Variants in TP53BP2 observed in about 807,000 individuals in gnomAD.
The protein encoded by TP53BP2 is apoptosis-stimulating of p53 protein 2.
TP53BP2 carries 62 observed loss-of-function variants against 126.2 expected under a neutral mutation model. That is an observed-to-expected ratio of 0.49 (90% CI 0.40 to 0.61). The LOEUF is 0.61. Among genes scored for constraint, TP53BP2 ranks in the 20% least tolerant of loss-of-function variants. TP53BP2 has a pLI of 0.00. For missense variants in TP53BP2, 1,215 were observed against 1,402.8 expected, an observed-to-expected ratio of 0.87 and a Z score of 2.14; for synonymous variants, 485 against 502.9, an observed-to-expected ratio of 0.96 and a Z score of 0.48.
chr1:223,845,192 T>C (rs1664223677), intron 1 of TP53BP2: 2 of 970,484 alleles, frequency 2.1e-6, no homozygotes, highest in East Asian at 1.1e-4. Context: ...GCTGCTACTG[T>C]GGATATCAAG....
chr1:223,791,124 AAGCATATGAAAAAG>A (rs1345919715), intron 15 of TP53BP2, among the ~76,000 whole-genome samples: 4 of 152,124 alleles, frequency 2.6e-5, no homozygotes, highest in Non-Finnish European at 2.9e-5. Flanking sequence ...TATTTGTGAA[AAGCATATGAAAAAG>A]AGCTTGGGCC....
chr1:223,782,170 T>C (rs78830539), intron 17 of TP53BP2, among the ~76,000 whole-genome samples: 3,354 of 152,278 alleles, frequency 0.022, 42 homozygotes, highest in Non-Finnish European at 0.032. Flanking sequence ...TGTGAGATGA[T>C]GCATGTATTA....
In TP53BP2 at chr1:223,796,247, G is replaced by A. The variant is rs1321551686; in HGVS notation, c.2292C>T (p.Thr764=). The A allele has an allele frequency of 6.2e-7, 1 of 1,613,988 alleles. No individual in the cohort carries two copies. The change falls in exon 13 of 18, where the codon ACC becomes ACT. Residue 764 remains threonine, a synonymous_variant. Transcript: ENST00000343537. This position sits in a 1 kb window ranked among gnomAD's most constrained non-coding sequence, Gnocchi z 4.2. ...CAGAGATGGTCTCCATGGCCGCTATGGTGGTCCTCTGATATAAAAGCTTCT... is the reference window on the plus strand; with the variant it reads ...CAGAGATGGTCTCCATGGCCGCTATAGTGGTCCTCTGATATAAAAGCTTCT... ...NIQKLLYQRT[T]IAAMETISVP... is the part of the protein sequence containing the mutation.
At chr1:223,823,815 C>A (rs774036051) in intron 1 of TP53BP2, among the ~76,000 whole-genome samples, 1 of 152,172 alleles carries the variant, frequency 6.6e-6, no homozygotes, top group Non-Finnish European at 1.5e-5. Flanking sequence ...TACTCCCTAC[C>A]GATGCAAAAA....
chr1:223,832,921 G>C (rs920100254), intron 1 of TP53BP2, among the ~76,000 whole-genome samples: 2 of 152,132 alleles, frequency 1.3e-5, no homozygotes, highest in African/African-American at 2.4e-5. Context: ...CAATATCTGA[G>C]TAGGCAACCC....
Position 223,815,101 on chromosome 1 carries a change from A to G in TP53BP2, c.176-748T>C, listed in dbSNP as rs376995714. Among the ~76,000 whole-genome samples, 9 of 152,374 alleles carry G rather than the reference A, an allele frequency of 5.9e-5. No homozygotes were observed. In the South Asian group the frequency reaches 1.9e-3, roughly 32 times the overall value. ...TTTGAGGAGGCAATTGCTTAAAATCAATGAAACTCCAGTAATGTCAACATG... is the reference window on the plus strand; with the variant it reads ...TTTGAGGAGGCAATTGCTTAAAATCGATGAAACTCCAGTAATGTCAACATG... On this transcript the variant is annotated intron_variant, in intron 2 of 17. Coordinates refer to ENST00000343537, the MANE Select transcript of TP53BP2 (RefSeq NM_001031685.3).
chr1:223,845,687 G>C lies in TP53BP2; in HGVS notation c.-7C>G, dbSNP rs745808336. On this transcript the variant is annotated 5_prime_UTR_variant, in exon 1 of 18. Transcript: ENST00000343537. ...TCTTGGACCCGAACCGCATGGAAGC[G>C]GGTGGCCAGACTGCGGCCCCGGCCG... 3.2e-6 allele frequency: 5 copies of C among 1,544,968 alleles called. No individual in the cohort carries two copies. The highest frequency in any genetic ancestry group is 4.3e-6 in the Non-Finnish European group (5 of 1,152,488).
At chr1:223,788,987 T>G in intron 16 of TP53BP2, 21 bp downstream of exon 16, 1 of 1,610,406 alleles carries the variant, frequency 6.2e-7, no homozygotes, top group Non-Finnish European at 8.5e-7. Flanking sequence ...ATCAATACAT[T>G]TAGTTCTACT....
At chr1:223,837,389 A>T (rs942080539) in intron 1 of TP53BP2, among the ~76,000 whole-genome samples, 11 of 152,114 alleles carry the variant, frequency 7.2e-5, no homozygotes. Context: ...GTGGTGATAT[A>T]AAAAGTATGG....
chr1:223,802,991 AAT>A (rs1457127356), intron 7 of TP53BP2, 96 bp from the exon 8 acceptor site: 1 of 1,357,438 alleles, frequency 7.4e-7, no homozygotes, highest in Non-Finnish European at 1.0e-6. Flanking sequence ...AATTTCTAAA[AAT>A]ATGAGGTCCC....
chr1:223,816,406 A>T (rs1223705308), intron 2 of TP53BP2, among the ~76,000 whole-genome samples: 1 of 150,964 alleles, frequency 6.6e-6, no homozygotes, highest in East Asian at 1.9e-4. Flanking sequence ...TGGAATAAGA[A>T]TTTTTTTTTT....
At chr1:223,809,229 T>C (rs1451960076) in intron 4 of TP53BP2, among the ~76,000 whole-genome samples, 2 of 152,148 alleles carry the variant, frequency 1.3e-5, no homozygotes, top group African/African-American at 2.4e-5. Context: ...AGATCATTTT[T>C]ATCATCTGCA....
At position 223,810,609 on chromosome 1, in the gene TP53BP2, T is replaced by C. The variant is rs878982724; in HGVS notation, c.290-96A>G. ...TGAGTTCTGTCATTACTGTTTGATA[T>C]TTTAAGTTGAATGTATTCTTAAAAC... On this transcript the variant is annotated intron_variant, in intron 3 of 17. Transcript: ENST00000343537. 2.6e-5 allele frequency: 22 copies of C among 850,026 alleles called. No homozygotes were observed. The South Asian group carries it at 4.1e-4, about 16-fold the overall frequency. 52.7% of individuals were successfully genotyped at this position (850,026 alleles called of 1,614,324 possible). A position where few individuals can be genotyped will look rare whatever the true frequency, so the allele number is the denominator to read the frequency against.
intron 1 of TP53BP2, among the ~76,000 whole-genome samples, chr1:223,837,885 T>C (rs1202852768): frequency 6.6e-6 from 1 of 152,062 alleles, no homozygotes; most frequent in African/African-American, 2.4e-5. Flanking sequence ...TTGCTTCGGC[T>C]CTTGTCACTC....
chr1:223,807,008 C>T (rs1384441177), intron 4 of TP53BP2, 61 bp from the exon 5 acceptor site: 9 of 1,320,432 alleles, frequency 6.8e-6, no homozygotes, highest in African/African-American at 2.9e-5. Flanking sequence ...CACAGAGATT[C>T]CGCCCTCAAA....
intron 1 of TP53BP2, among the ~76,000 whole-genome samples, chr1:223,827,702 C>T (rs1208313330): frequency 1.3e-5 from 2 of 152,048 alleles, no homozygotes; most frequent in Non-Finnish European, 2.9e-5. Flanking sequence ...TGACAGGAAA[C>T]TAACTATAGA....
rs1343389150 is a variant in TP53BP2, at chr1:223,784,252, G to A, written c.3226C>T (p.Pro1076Ser). 3.1e-6 allele frequency: 5 copies of A among 1,613,940 alleles called. No homozygotes were observed. The highest frequency in any genetic ancestry group is 1.7e-5 in the Admixed American group (1 of 59,998). The change falls in exon 17 of 18, where the codon CCT becomes TCT. Residue 1076 changes from proline to serine, a missense_variant. This residue lies in a region of TP53BP2 where 151 missense variants were observed against 231.2 expected (regional missense o/e 0.65). Transcript: ENST00000343537. ...GVIYALWDYE[P>S]QNDDELPMKE... ...ATGGGCAGCTCATCATCATTCTGAG[G>A]TTCATAATCCCAAAGCGCATAAATG...
Position 223,798,377 on chromosome 1 carries a change from A to C in TP53BP2, c.1786T>G (p.Ser596Ala). The C allele has an allele frequency of 6.2e-7, 1 of 1,614,050 alleles. No individual in the cohort carries two copies. Among genetic ancestry groups the C allele is most frequent in the South Asian group, 1.1e-5 (1 of 91,080 alleles). ...AAVRPFTPQP[S>A]KDTLLPPFRK... Reference sequence around the variant, plus strand: ...AAGGGTGGAAGTAAGGTGTCTTTGGAAGGCTGGGGAGTAAAGGGCCGGACG... The same window carrying C: ...AAGGGTGGAAGTAAGGTGTCTTTGGCAGGCTGGGGAGTAAAGGGCCGGACG... Residue 596 changes from serine (S) to alanine (A), a missense_variant, in exon 12 of 18, where the codon TCC becomes GCC. Transcript: ENST00000343537.
At chr1:223,811,760 A>C (rs1431052270) in intron 3 of TP53BP2, among the ~76,000 whole-genome samples, 1 of 152,226 alleles carries the variant, frequency 6.6e-6, no homozygotes, top group Admixed American at 6.5e-5. Flanking sequence ...AAAAACAGTA[A>C]GTTAACACCT....
Sources: allele counts gnomAD v4.1 joint callset (sites outside exome capture counted in the v4.1 genomes callset), GRCh38; gene constraint gnomAD v4.1.1; regional missense constraint gnomAD v4.1.1; non-coding constraint Gnocchi (gnomAD v3.1); transcripts MANE v1.5; gene names NCBI Gene and HGNC (gene_info 2026-07-23, HGNC 2026-07-21).